CYB5R4: variants seen among roughly 807,000 people sequenced by gnomAD.
The protein encoded by CYB5R4 is N-terminal cytochrome b5 and cytochrome b5 oxidoreductase domain-containing protein.
A neutral mutation model predicts 70.2 loss-of-function variants in CYB5R4; 55 were observed. The ratio of observed to expected loss-of-function variants is 0.78; its 90% confidence interval spans 0.63 to 0.98. The LOEUF is 0.98. Ranked by LOEUF, CYB5R4 falls within the 50% of genes least tolerant of loss-of-function variation. The pLI is 0.00. For synonymous variants in CYB5R4, 197 were observed against 199.5 expected, an observed-to-expected ratio of 0.99 and a Z score of 0.11; for missense variants, 562 against 612.6, an observed-to-expected ratio of 0.92 and a Z score of 0.87.
intron 2 of CYB5R4, among the ~76,000 whole-genome samples, chr6:83,870,103 A>G (rs1189090297): frequency 6.6e-6 from 1 of 152,224 alleles, no homozygotes; most frequent in Non-Finnish European, 1.5e-5. Context: ...AACACACATT[A>G]AACAAGTTTA....
intron 4 of CYB5R4, among the ~76,000 whole-genome samples, chr6:83,913,144 CAA>C: frequency 6.6e-6 from 1 of 152,144 alleles, no homozygotes; most frequent in East Asian, 1.9e-4. Flanking sequence ...TAAGATAAAA[CAA>C]ATAATCACAA....
At chr6:83,933,197 G>A (rs1447674429) in intron 10 of CYB5R4, among the ~76,000 whole-genome samples, 2 of 152,096 alleles carry the variant, frequency 1.3e-5, no homozygotes, top group East Asian at 1.9e-4. Flanking sequence ...ATAACTTTAG[G>A]GTGGGCTCTT....
At chr6:83,869,635 C>T (rs978952593) in intron 2 of CYB5R4, among the ~76,000 whole-genome samples, 1 of 152,156 alleles carries the variant, frequency 6.6e-6, no homozygotes, top group Non-Finnish European at 1.5e-5. Context: ...TCGAGAACAA[C>T]CTGCCCAACA....
intron 4 of CYB5R4, 26 bp from the exon 5 acceptor site, chr6:83,914,390 A>T: frequency 6.6e-7 from 1 of 1,526,026 alleles, no homozygotes; most frequent in Non-Finnish European, 8.9e-7. Flanking sequence ...TTCTTATTTG[A>T]CTTTTTTTTC....
At chr6:83,894,214 G>A (rs1341691596) in intron 3 of CYB5R4, among the ~76,000 whole-genome samples, 1 of 152,100 alleles carries the variant, frequency 6.6e-6, no homozygotes, top group Non-Finnish European at 1.5e-5. Flanking sequence ...ACTAGCATTA[G>A]CTCTTAAACT....
rs1002678717 is a variant in CYB5R4, at chr6:83,962,759, T to C, written c.*2881T>C. 72 of 152,258 alleles carry C rather than the reference T, an allele frequency of 4.7e-4. 1 individual carries two copies. Among genetic ancestry groups the C allele is most frequent in the African/African-American group, 1.7e-3 (71 of 41,470 alleles). The allele number at this position is 152,258 out of a possible 1,614,324, so 9.4% of individuals were successfully genotyped here. On this transcript the variant is annotated 3_prime_UTR_variant, in exon 16 of 16. Coordinates refer to ENST00000369681, the MANE Select transcript of CYB5R4 (RefSeq NM_016230.4). ...TAGGTAGATTTCAGTTCCTTGCAGT[T>C]GTAGGACTGAGTTCCCCATTTCCTT...
In CYB5R4 at chr6:83,864,863, T is replaced by G. The variant is rs139537558; in HGVS notation, c.229+535T>G. Among the ~76,000 whole-genome samples, 457 of 152,030 alleles carry G rather than the reference T, an allele frequency of 3.0e-3. 2 individuals carry two copies. Among genetic ancestry groups the G allele is most frequent in the Non-Finnish European group, 5.2e-3 (352 of 67,950 alleles). ...TTAGAAACTCCAAATTAAATATAAA[T>G]GTATTGGAGGAGGTGAGCAGGCAGA... On this transcript the variant is annotated intron_variant, in intron 2 of 15. Transcript: ENST00000369681.
chr6:83,931,765 A>C (rs2099468169), intron 10 of CYB5R4, among the ~76,000 whole-genome samples: 2 of 150,450 alleles, frequency 1.3e-5, no homozygotes, highest in Non-Finnish European at 2.9e-5. Flanking sequence ...AGTCAGTGCC[A>C]TCTGCTTTAT....
rs1300109506 is a variant in CYB5R4 at position 83,963,906 on chromosome 6, G to A, written c.*4028G>A. On this transcript the variant is annotated 3_prime_UTR_variant, in exon 16 of 16. Coordinates refer to ENST00000369681, the MANE Select transcript of CYB5R4 (RefSeq NM_016230.4). ...TCCCTCATACTGTTCTCATGGTAGTGAATAACTCTCACAAGACCTGGTGGT... is the reference window on the plus strand; with the variant it reads ...TCCCTCATACTGTTCTCATGGTAGTAAATAACTCTCACAAGACCTGGTGGT... The A allele has an allele frequency of 5.7e-6, 1 of 175,344 alleles. No homozygotes were observed. Among genetic ancestry groups the A allele is most frequent in the Non-Finnish European group, 1.2e-5 (1 of 84,696 alleles). The allele number at this position is 175,344 out of a possible 1,614,324, so 10.9% of individuals were successfully genotyped here.
At chr6:83,934,881 G>T in intron 11 of CYB5R4, 146 bp downstream of exon 11, 1 of 679,532 alleles carries the variant, frequency 1.5e-6, no homozygotes, top group Non-Finnish European at 2.4e-6. Context: ...ATGTAGGTTT[G>T]TGACTGCAAC....
In CYB5R4 at chr6:83,962,168, C is replaced by G. The variant is rs1157272616; in HGVS notation, c.*2290C>G. 6.6e-6 allele frequency: 1 copy of G among 152,228 alleles called. No homozygotes were observed. Among genetic ancestry groups the G allele is most frequent in the East Asian group, 1.9e-4 (1 of 5,190 alleles). 9.4% of individuals were successfully genotyped at this position (152,228 alleles called of 1,614,324 possible). On this transcript the variant is annotated 3_prime_UTR_variant, in exon 16 of 16. Coordinates refer to ENST00000369681, the MANE Select transcript of CYB5R4 (RefSeq NM_016230.4). ...CAACATCAATGTCCCCTTCTCCAGT[C>G]TGACTCTTCCATACCAGCTAACCCT...
At chr6:83,888,745 A>G (rs1282647765) in intron 2 of CYB5R4, among the ~76,000 whole-genome samples, 1 of 152,220 alleles carries the variant, frequency 6.6e-6, no homozygotes, top group Non-Finnish European at 1.5e-5. Context: ...CTCACTTCAA[A>G]TAAAAAACTA....
intron 2 of CYB5R4, among the ~76,000 whole-genome samples, chr6:83,874,181 CTCCCT>C (rs1429241333): frequency 3.8e-5 from 4 of 105,236 alleles, no homozygotes; most frequent in Non-Finnish European, 5.7e-5. Context: ...CTCCCCTCCC[CTCCCT>C]TCCCTTCCCT....
At chr6:83,932,897 C>G (rs2099468381) in intron 10 of CYB5R4, among the ~76,000 whole-genome samples, 1 of 152,176 alleles carries the variant, frequency 6.6e-6, no homozygotes, top group Non-Finnish European at 1.5e-5. Context: ...CTCACTGATA[C>G]ACTGAGGAGT....
intron 12 of CYB5R4, among the ~76,000 whole-genome samples, chr6:83,937,554 C>T (rs944163731): frequency 5.3e-4 from 81 of 152,098 alleles, no homozygotes; most frequent in African/African-American, 1.8e-3. Context: ...TTGAGATGGT[C>T]TGCTGCCCAG....
intron 2 of CYB5R4, among the ~76,000 whole-genome samples, chr6:83,865,657 T>G (rs1164140791): frequency 6.6e-6 from 1 of 152,176 alleles, no homozygotes; most frequent in Non-Finnish European, 1.5e-5. Context: ...TCATTTAATT[T>G]TGCATCTGTA....
chr6:83,867,368 A>G (rs2099456895), intron 2 of CYB5R4, among the ~76,000 whole-genome samples: 1 of 152,222 alleles, frequency 6.6e-6, no homozygotes, highest in South Asian at 2.1e-4. Context: ...CTGGAAAGGT[A>G]TGTTAGGTCA....
intron 5 of CYB5R4, among the ~76,000 whole-genome samples, chr6:83,915,750 C>T (rs2099465400): frequency 6.6e-6 from 1 of 152,128 alleles, no homozygotes; most frequent in South Asian, 2.1e-4. Flanking sequence ...CTGCTTTTCC[C>T]TTTTGGCTCA....
intron 13 of CYB5R4, 113 bp downstream of exon 13, chr6:83,940,319 C>G: frequency 8.7e-7 from 1 of 1,151,570 alleles, no homozygotes; most frequent in Non-Finnish European, 1.2e-6. Context: ...TTTCCTCATT[C>G]ATCATTTCTT....
Sources: gnomAD v4.1 joint callset for allele counts (sites outside exome capture counted in the v4.1 genomes callset) on GRCh38, gnomAD v4.1.1 for gene constraint, MANE v1.5 for transcripts, NCBI Gene and HGNC (gene_info 2026-07-23, HGNC 2026-07-21) for gene names.